PRKAR2B: variants seen among roughly 807,000 people sequenced by gnomAD.
PRKAR2B encodes protein kinase cAMP-dependent type II regulatory subunit beta.
PRKAR2B carries 14 observed loss-of-function variants against 49.9 expected under a neutral mutation model. The ratio of observed to expected loss-of-function variants is 0.28; its 90% CI spans 0.19 to 0.44. The LOEUF is 0.44. Among genes scored for constraint, PRKAR2B ranks in the 20% least tolerant of loss-of-function variants. PRKAR2B has a pLI of 1.00. For missense variants in PRKAR2B, 393 were observed against 537.9 expected, an observed-to-expected ratio of 0.73 and a Z score of 2.67; for synonymous variants, 196 against 197.7, an observed-to-expected ratio of 0.99 and a Z score of 0.07.
At chr7:107,071,428 G>T (rs1794275453) in intron 2 of PRKAR2B, among the ~76,000 whole-genome samples, 1 of 152,172 alleles carries the variant, frequency 6.6e-6, no homozygotes, top group Non-Finnish European at 1.5e-5. Flanking sequence ...TGAGCTTTTT[G>T]TAATCTCAAG....
chr7:107,048,439 G>C (rs2116743606), intron 1 of PRKAR2B, among the ~76,000 whole-genome samples: 2 of 152,162 alleles, frequency 1.3e-5, no homozygotes, highest in East Asian at 3.9e-4. Context: ...TGCATTGTTG[G>C]TTCATATCCT....
At chr7:107,122,374 C>T (rs1407860792) in intron 3 of PRKAR2B, among the ~76,000 whole-genome samples, 2 of 152,138 alleles carry the variant, frequency 1.3e-5, no homozygotes, top group Admixed American at 1.3e-4. Flanking sequence ...ACAAACAAAT[C>T]ACGGTAAAAT....
chr7:107,122,367 A>G (rs1367238840), intron 3 of PRKAR2B, among the ~76,000 whole-genome samples: 3 of 152,232 alleles, frequency 2.0e-5, no homozygotes, highest in Non-Finnish European at 2.9e-5. Flanking sequence ...CTCTGAAACA[A>G]ACAAATCACG....
At position 107,161,275 on chromosome 7, in the gene PRKAR2B, G is replaced by A. The variant is rs554332740; in HGVS notation, c.*1693G>A. The A allele has an allele frequency of 7.2e-4, 110 of 152,348 alleles. No individual in the cohort carries two copies. The highest frequency in any genetic ancestry group is 2.5e-3 in the African/African-American group (105 of 41,536). 9.4% of individuals were successfully genotyped at this position (152,348 alleles called of 1,614,324 possible). A position where few individuals can be genotyped will look rare whatever the true frequency, so the allele number is the denominator to read the frequency against. On this transcript the variant is annotated 3_prime_UTR_variant, in exon 11 of 11. Transcript: ENST00000265717. The stretch of plus-strand genomic sequence containing the variant: ...TTTAAAAGCCATGTCTGTTAAACAA[G>A]AAAAAACACAAAAGAACTCCAGATT...
At chr7:107,069,419 A>C (rs1346198408) in intron 1 of PRKAR2B, among the ~76,000 whole-genome samples, 2 of 152,186 alleles carry the variant, frequency 1.3e-5, no homozygotes, top group Non-Finnish European at 2.9e-5. Flanking sequence ...CAAATTTCAT[A>C]ATTACTCTTC....
intron 10 of PRKAR2B, among the ~76,000 whole-genome samples, chr7:107,158,592 A>T (rs181356623): frequency 6.6e-6 from 1 of 152,136 alleles, no homozygotes; most frequent in Non-Finnish European, 1.5e-5. Context: ...TTTGGCTCCA[A>T]CTTTTTTGTG....
chr7:107,126,463 G>A (rs1156611082), intron 3 of PRKAR2B, among the ~76,000 whole-genome samples: 1 of 148,414 alleles, frequency 6.7e-6, no homozygotes, highest in African/African-American at 2.5e-5. Flanking sequence ...GGTACGAGAG[G>A]TAGCAGGAAG....
At chr7:107,114,698 T>C (rs1214153250) in intron 2 of PRKAR2B, among the ~76,000 whole-genome samples, 3 of 151,864 alleles carry the variant, frequency 2.0e-5, no homozygotes, top group Non-Finnish European at 4.4e-5. Flanking sequence ...AAGAGGAAAA[T>C]ACCAAATGAA....
Position 107,145,494 on chromosome 7 carries a change from A to G in PRKAR2B, c.588-814A>G, listed in dbSNP as rs111491479. 6.6e-5 allele frequency among the ~76,000 whole-genome samples: 10 copies of G among 152,348 alleles called. 3 individuals are homozygous for G. The highest frequency in any genetic ancestry group is 2.4e-4 in the African/African-American group (10 of 41,586). ...GAAACTCTTAAATTAGATAGCGAAT[A>G]TGCCTAGAATCCCTCACTATTCTTA... On this transcript the variant is annotated intron_variant, in intron 5 of 10. Transcript: ENST00000265717.
At chr7:107,102,318 A>G (rs1360268193) in intron 2 of PRKAR2B, among the ~76,000 whole-genome samples, 1 of 152,240 alleles carries the variant, frequency 6.6e-6, no homozygotes, top group African/African-American at 2.4e-5. Context: ...TCTGGAAGTT[A>G]CCTTATATGG....
intron 2 of PRKAR2B, among the ~76,000 whole-genome samples, chr7:107,079,044 C>T (rs1034218309): frequency 2.6e-4 from 39 of 152,132 alleles, no homozygotes; most frequent in African/African-American, 7.0e-4. Flanking sequence ...TACAGGAACA[C>T]TGCCACTGTT....
At chr7:107,054,868 T>C (rs569597978) in intron 1 of PRKAR2B, among the ~76,000 whole-genome samples, 1 of 152,318 alleles carries the variant, frequency 6.6e-6, no homozygotes, top group South Asian at 2.1e-4. Context: ...ACGTGCAGGT[T>C]TGTTACATAT....
chr7:107,048,010 C>G (rs1562838767), intron 1 of PRKAR2B, among the ~76,000 whole-genome samples: 1 of 152,172 alleles, frequency 6.6e-6, no homozygotes, highest in Non-Finnish European at 1.5e-5. Flanking sequence ...TGTGTGCTGT[C>G]TAAATGCTTT....
chr7:107,115,265 G>A (rs1240900518), intron 2 of PRKAR2B, among the ~76,000 whole-genome samples: 1 of 151,914 alleles, frequency 6.6e-6, no homozygotes, highest in East Asian at 1.9e-4. Flanking sequence ...ATCAAGACAG[G>A]GTTATACAGT....
chr7:107,060,354 G>A (rs1164199565), intron 1 of PRKAR2B, among the ~76,000 whole-genome samples: 1 of 152,156 alleles, frequency 6.6e-6, no homozygotes, highest in Non-Finnish European at 1.5e-5. Flanking sequence ...GTCATCAGCA[G>A]TATGAGTCCC....
At chr7:107,075,394 C>T (rs570905179) in intron 2 of PRKAR2B, among the ~76,000 whole-genome samples, 1 of 151,132 alleles carries the variant, frequency 6.6e-6, no homozygotes, top group Admixed American at 6.6e-5. Flanking sequence ...AGCCACCACA[C>T]CTGGCAATTT....
intron 2 of PRKAR2B, among the ~76,000 whole-genome samples, chr7:107,104,721 A>C (rs1330803606): frequency 6.6e-6 from 1 of 152,210 alleles, no homozygotes; most frequent in Admixed American, 6.5e-5. Context: ...AAATGTAGCA[A>C]GAGTGTCTGC....
At chr7:107,087,393 A>G (rs536427596) in intron 2 of PRKAR2B, among the ~76,000 whole-genome samples, 39 of 152,336 alleles carry the variant, frequency 2.6e-4, no homozygotes, top group African/African-American at 7.0e-4. Flanking sequence ...TTTAATATAA[A>G]TAGAACCTGG....
chr7:107,092,912 T>C (rs983434009), intron 2 of PRKAR2B, among the ~76,000 whole-genome samples: 1 of 152,154 alleles, frequency 6.6e-6, no homozygotes, highest in African/African-American at 2.4e-5. Flanking sequence ...GCAGCCAACA[T>C]TCTTTCTGTC....
Sources: allele counts gnomAD v4.1 joint callset (sites outside exome capture counted in the v4.1 genomes callset), GRCh38; gene constraint gnomAD v4.1.1; transcripts MANE v1.5; gene names NCBI Gene and HGNC (gene_info 2026-07-23, HGNC 2026-07-21).